The following CHRM3 variants were observed in gnomAD, a reference collection of about 807,000 sequenced individuals.
CHRM3 encodes the protein cholinergic receptor muscarinic 3, also known as muscarinic acetylcholine receptor M3.
Under a neutral mutation model 41.8 loss-of-function variants are expected in CHRM3, and 11 were observed. That is an observed-to-expected ratio of 0.26 (90% CI 0.17 to 0.44). CHRM3 has a LOEUF of 0.44. Ranked by LOEUF, CHRM3 falls within the 20% of genes least tolerant of loss-of-function variation. The probability of loss-of-function intolerance (pLI) is 1.00; values close to 1 mark genes in which losing one functional copy is unlikely to be tolerated. For synonymous variants in CHRM3, 297 were observed against 301.4 expected (o/e 0.99, Z 0.15); for missense variants, 571 against 745.4 (o/e 0.77, Z 2.72).
At position 239,777,174 on chromosome 1, in the gene CHRM3, G is replaced by A. The variant is rs1025027683; in HGVS notation, c.-146-50078G>A. Reference sequence around the variant, plus strand: ...TCTGGGAAAGGTTATTAAACAGATGGTTGTGAGCCATAAGAAAGTGGAAGA... The same window carrying A: ...TCTGGGAAAGGTTATTAAACAGATGATTGTGAGCCATAAGAAAGTGGAAGA... On this transcript the variant is annotated intron_variant, in intron 5 of 6. Coordinates refer to ENST00000676153, the MANE Select transcript of CHRM3 (RefSeq NM_001375978.1). 1.3e-5 allele frequency among the ~76,000 whole-genome samples: 2 copies of A among 152,168 alleles called. 1 individual carries two copies. The highest frequency in any genetic ancestry group is 3.9e-4 in the East Asian group (2 of 5,192).
At chr1:239,866,713 A>G (rs1185617869) in intron 6 of CHRM3, among the ~76,000 whole-genome samples, 4 of 152,228 alleles carry the variant, frequency 2.6e-5, no homozygotes, top group African/African-American at 9.6e-5. Context: ...TCATTCAGCC[A>G]ATGTTATGAA....
At chr1:239,425,808 A>G (rs1662324296) in intron 1 of CHRM3, among the ~76,000 whole-genome samples, 1 of 152,104 alleles carries the variant, frequency 6.6e-6, no homozygotes, top group Non-Finnish European at 1.5e-5. Flanking sequence ...GTAGAATTGT[A>G]AAACGCTCCA....
intron 3 of CHRM3, among the ~76,000 whole-genome samples, chr1:239,630,797 A>G (rs1246522107): frequency 1.3e-5 from 2 of 152,066 alleles, no homozygotes; most frequent in African/African-American, 4.8e-5. Context: ...TTACACCCTC[A>G]ACCTCAGTTT....
At chr1:239,893,735 A>T (rs199549098) in intron 6 of CHRM3, among the ~76,000 whole-genome samples, 3 of 1,516 alleles carry the variant, frequency 2.0e-3, no homozygotes, top group African/African-American at 2.1e-3. Flanking sequence ...TGAAATCATA[A>T]AAAAAAAAAA....
intron 5 of CHRM3, among the ~76,000 whole-genome samples, chr1:239,744,352 A>G (rs773368529): frequency 1.4e-4 from 22 of 152,168 alleles, no homozygotes; most frequent in Non-Finnish European, 3.1e-4. Context: ...GGAAAAATAC[A>G]AAAAGGGAAA....
chr1:239,817,675 C>G (rs750746049), intron 5 of CHRM3, among the ~76,000 whole-genome samples: 21 of 151,862 alleles, frequency 1.4e-4, no homozygotes, highest in Non-Finnish European at 2.4e-4. Context: ...TCTCCTCCCT[C>G]GAAAACTCAC....
At chr1:239,697,491 A>G (rs969331274) in intron 5 of CHRM3, among the ~76,000 whole-genome samples, 1 of 152,042 alleles carries the variant, frequency 6.6e-6, no homozygotes, top group Non-Finnish European at 1.5e-5. Context: ...ACCATTTAGC[A>G]TGTTTCAGAA....
At chr1:239,442,308 G>A (rs1663791147) in intron 1 of CHRM3, among the ~76,000 whole-genome samples, 1 of 152,044 alleles carries the variant, frequency 6.6e-6, no homozygotes, top group Admixed American at 6.6e-5. Flanking sequence ...GGTTTTACCA[G>A]GTTGGCCAGG....
At chr1:239,678,791 A>G (rs1314518216) in intron 5 of CHRM3, among the ~76,000 whole-genome samples, 1 of 152,202 alleles carries the variant, frequency 6.6e-6, no homozygotes, top group Non-Finnish European at 1.5e-5. Flanking sequence ...TTAATTGACT[A>G]CTCAAACACT....
chr1:239,832,222 C>T (rs1351735941), intron 6 of CHRM3, among the ~76,000 whole-genome samples: 1 of 152,066 alleles, frequency 6.6e-6, no homozygotes, highest in Non-Finnish European at 1.5e-5. Flanking sequence ...TCGTGGCCAG[C>T]CAGTTACCTT....
Position 239,473,263 on chromosome 1 carries a change from GAA to G in CHRM3, c.-520-19429_-520-19428del, listed in dbSNP as rs200627399. Among the ~76,000 whole-genome samples, 252 of 80,488 alleles carry G rather than the reference GAA, an allele frequency of 3.1e-3. 1 individual carries two copies. Among genetic ancestry groups the G allele is most frequent in the Middle Eastern group, 7.0e-3 (1 of 142 alleles). The allele number at this position is 80,488 out of a possible 152,430, so 52.8% of individuals were successfully genotyped here. On this transcript the variant is annotated intron_variant, in intron 1 of 6. Coordinates refer to ENST00000676153, the MANE Select transcript of CHRM3 (RefSeq NM_001375978.1). The stretch of plus-strand genomic sequence containing the variant: ...TAACTTAATAAACGTAAGCATATTT[GAA>G]AAAAAAAAAAAAAAAAGGACTTGCG...
chr1:239,889,575 G>T (rs524878), intron 6 of CHRM3, among the ~76,000 whole-genome samples: 2 of 151,896 alleles, frequency 1.3e-5, no homozygotes, highest in Non-Finnish European at 2.9e-5. Flanking sequence ...TTCTTGGGCC[G>T]CTTTTTGTTG....
chr1:239,706,099 TTA>T (rs1450116321), intron 5 of CHRM3, among the ~76,000 whole-genome samples: 3 of 149,224 alleles, frequency 2.0e-5, no homozygotes, highest in Non-Finnish European at 4.4e-5. Context: ...TATATTATAG[TTA>T]TATGTGAATT....
At chr1:239,900,514 G>A (rs893836308) in intron 6 of CHRM3, among the ~76,000 whole-genome samples, 11 of 151,888 alleles carry the variant, frequency 7.2e-5, no homozygotes, top group South Asian at 4.2e-4. Flanking sequence ...CCAAGGCCTC[G>A]GAGAAGTTCA....
In CHRM3 at chr1:239,908,109, G is replaced by C. The variant is rs1259419692; in HGVS notation, c.658G>C (p.Glu220Gln). 6.2e-7 allele frequency: 1 copy of C among 1,614,066 alleles called. No individual in the cohort carries two copies. The highest frequency in any genetic ancestry group is 8.5e-7 in the Non-Finnish European group (1 of 1,180,050). The change falls in exon 7 of 7, where the codon GAG (glutamate) becomes CAG (glutamine). Residue 220 changes from glutamate to glutamine, a missense_variant. Transcript: ENST00000676153. The surrounding 1 kb of genome is among the most constrained non-coding windows in gnomAD (Gnocchi z 7.2). ...TGGAAAGAGAACTGTGCCTCCGGGA[G>C]AGTGCTTCATTCAGTTCCTCAGTGA... The part of the protein sequence containing the change: ...FVGKRTVPPG[E>Q]CFIQFLSEPT...
At chr1:239,724,660 G>A in intron 5 of CHRM3, among the ~76,000 whole-genome samples, 1 of 151,810 alleles carries the variant, frequency 6.6e-6, no homozygotes, top group Non-Finnish European at 1.5e-5. Context: ...TCTTTAGTTG[G>A]GCATTTATTT....
chr1:239,680,515 A>C (rs555172633), intron 5 of CHRM3, among the ~76,000 whole-genome samples: 1 of 152,070 alleles, frequency 6.6e-6, no homozygotes, highest in East Asian at 1.9e-4. Flanking sequence ...TTGCCACCCA[A>C]TCAGGGTCCT....
At chr1:239,539,640 T>C (rs1301101837) in intron 2 of CHRM3, among the ~76,000 whole-genome samples, 1 of 152,168 alleles carries the variant, frequency 6.6e-6, no homozygotes, top group African/African-American at 2.4e-5. Context: ...TGTTTTTGTT[T>C]CTGTTTTGAG....
chr1:239,724,173 G>A (rs983293402), intron 5 of CHRM3, among the ~76,000 whole-genome samples: 2 of 151,736 alleles, frequency 1.3e-5, no homozygotes, highest in African/African-American at 4.8e-5. Flanking sequence ...TGACTTAGGA[G>A]GGCATGGACG....
Sources: gnomAD v4.1 joint callset for allele counts (sites outside exome capture counted in the v4.1 genomes callset) on GRCh38, gnomAD v4.1.1 for gene constraint, Gnocchi (gnomAD v3.1) non-coding constraint, MANE v1.5 for transcripts, NCBI Gene and HGNC (gene_info 2026-07-23, HGNC 2026-07-21) for gene names.